Variants in PRKG1 observed in about 807,000 individuals in gnomAD.
PRKG1 encodes cGMP-dependent protein kinase 1.
A neutral mutation model predicts 88.1 loss-of-function variants in PRKG1; 35 were observed. The ratio of observed to expected loss-of-function variants is 0.40; its 90% CI spans 0.30 to 0.53. The LOEUF is 0.53. Ranked by LOEUF, PRKG1 falls within the 20% of genes least tolerant of loss-of-function variation. The pLI, the probability that PRKG1 is intolerant of heterozygous loss-of-function variation, is 0.59. For synonymous variants in PRKG1, 303 were observed against 292.5 expected, an observed-to-expected ratio of 1.04 and a Z score of -0.37; for missense variants, 540 against 839.8, an observed-to-expected ratio of 0.64 and a Z score of 4.41.
chr10:52,178,123 T>C (rs150526801), intron 9 of PRKG1, among the ~76,000 whole-genome samples: 19 of 152,168 alleles, frequency 1.2e-4, no homozygotes, highest in African/African-American at 4.1e-4. Flanking sequence ...TTTTTTGATA[T>C]AGGCATTTCT....
chr10:52,090,561 G>A (rs997572720), intron 7 of PRKG1, among the ~76,000 whole-genome samples: 2 of 152,140 alleles, frequency 1.3e-5, no homozygotes, highest in African/African-American at 4.8e-5. Flanking sequence ...CTGCAGGCAA[G>A]ATCCACTGAA....
intron 1 of PRKG1, among the ~76,000 whole-genome samples, chr10:51,099,878 C>G (rs1844636910): frequency 1.3e-5 from 2 of 152,048 alleles, no homozygotes; most frequent in Non-Finnish European, 2.9e-5. Context: ...AAACTTCGTG[C>G]CTTCAGTTTG....
intron 4 of PRKG1, among the ~76,000 whole-genome samples, chr10:51,894,642 G>A (rs537406576): frequency 7.9e-5 from 12 of 152,156 alleles, no homozygotes; most frequent in African/African-American, 2.4e-4. Flanking sequence ...ATGACTTTAC[G>A]GTTCGGAAAC....
intron 3 of PRKG1, among the ~76,000 whole-genome samples, chr10:51,491,500 G>A (rs1840706404): frequency 6.6e-6 from 1 of 152,048 alleles, no homozygotes; most frequent in African/African-American, 2.4e-5. Flanking sequence ...AAACCCATTT[G>A]ACAGATGAAG....
intron 3 of PRKG1, among the ~76,000 whole-genome samples, chr10:51,676,825 T>C (rs1262758487): frequency 6.6e-6 from 1 of 152,208 alleles, no homozygotes; most frequent in African/African-American, 2.4e-5. Context: ...TTTTTTTGCT[T>C]ATCTCCTGGC....
intron 5 of PRKG1, among the ~76,000 whole-genome samples, chr10:51,961,271 A>G (rs1344516618): frequency 1.3e-5 from 2 of 152,130 alleles, no homozygotes; most frequent in African/African-American, 4.8e-5. Flanking sequence ...TGAACCACAG[A>G]TATGAAAAGT....
chr10:52,037,765 G>A (rs534280655), intron 5 of PRKG1, among the ~76,000 whole-genome samples: 56 of 152,324 alleles, frequency 3.7e-4, no homozygotes, highest in African/African-American at 1.3e-3. Context: ...TTATAGGGTG[G>A]AGGAGCAGAG....
chr10:51,807,496 C>A (rs1009539331), intron 4 of PRKG1, among the ~76,000 whole-genome samples: 4 of 152,148 alleles, frequency 2.6e-5, no homozygotes, highest in East Asian at 1.9e-4. Context: ...GACACAGGAG[C>A]CTTTCTGAAT....
At chr10:51,546,485 T>C (rs1842447701) in intron 3 of PRKG1, among the ~76,000 whole-genome samples, 1 of 152,114 alleles carries the variant, frequency 6.6e-6, no homozygotes, top group Non-Finnish European at 1.5e-5. Context: ...GTAAACTTGC[T>C]TGAAATACTG....
chr10:51,452,936 T>C (rs1379844503), intron 2 of PRKG1, among the ~76,000 whole-genome samples: 2 of 152,052 alleles, frequency 1.3e-5, no homozygotes, highest in East Asian at 3.8e-4. Context: ...TTTTTTTTGT[T>C]GGTAATTCTT....
chr10:51,688,835 A>G (rs1327398779), intron 3 of PRKG1, among the ~76,000 whole-genome samples: 3 of 152,162 alleles, frequency 2.0e-5, no homozygotes, highest in Admixed American at 1.3e-4. Flanking sequence ...AAACTGGTTT[A>G]CCATCTGATA....
chr10:52,160,434 AT>A (rs1467847942), intron 8 of PRKG1, among the ~76,000 whole-genome samples: 1 of 151,964 alleles, frequency 6.6e-6, no homozygotes, highest in East Asian at 1.9e-4. Context: ...ATATTCTTGA[AT>A]ATGATTCTTG....
At chr10:51,558,552 T>G (rs766209956) in intron 3 of PRKG1, among the ~76,000 whole-genome samples, 1 of 152,050 alleles carries the variant, frequency 6.6e-6, no homozygotes, top group Non-Finnish European at 1.5e-5. Context: ...TGGGATGTCA[T>G]CAATGGTAAA....
intron 5 of PRKG1, among the ~76,000 whole-genome samples, chr10:52,036,903 AT>A (rs1298400860): frequency 3.3e-5 from 5 of 152,232 alleles, no homozygotes; most frequent in African/African-American, 9.6e-5. Flanking sequence ...AAAGAAGGTA[AT>A]GTGGAGTGGG....
At chr10:51,898,085 T>C (rs960620308) in intron 4 of PRKG1, among the ~76,000 whole-genome samples, 2 of 152,158 alleles carry the variant, frequency 1.3e-5, no homozygotes, top group Non-Finnish European at 2.9e-5. Flanking sequence ...TCCTGGAATC[T>C]ACCAGGCACT....
rs1432312663 is a variant in PRKG1, at chr10:52,297,537, C to A, written c.*3637C>A. ...GAATTACAGAAATGATGAAGTTGTTCTCTTATTTCTGTTAAATGTACCAGA... is the reference window on the plus strand; with the variant it reads ...GAATTACAGAAATGATGAAGTTGTTATCTTATTTCTGTTAAATGTACCAGA... On this transcript the variant is annotated 3_prime_UTR_variant, in exon 18 of 18. Coordinates refer to ENST00000373980, the MANE Select transcript of PRKG1 (RefSeq NM_006258.4). 1 of 152,050 alleles carries A rather than the reference C, an allele frequency of 6.6e-6. No individual in the cohort carries two copies. The highest frequency in any genetic ancestry group is 2.4e-5 in the African/African-American group (1 of 41,414). The allele number at this position is 152,050 out of a possible 1,614,324, so 9.4% of individuals were successfully genotyped here. A position where few individuals can be genotyped will look rare whatever the true frequency, so the allele number is the denominator to read the frequency against.
At chr10:51,452,628 C>T (rs1162187947) in intron 2 of PRKG1, among the ~76,000 whole-genome samples, 1 of 151,918 alleles carries the variant, frequency 6.6e-6, no homozygotes, top group Non-Finnish European at 1.5e-5. Flanking sequence ...TCACTGCATC[C>T]CTGGTATAAA....
intron 2 of PRKG1, among the ~76,000 whole-genome samples, chr10:51,293,007 T>C (rs1840623960): frequency 6.6e-6 from 1 of 152,122 alleles, no homozygotes; most frequent in African/African-American, 2.4e-5. Flanking sequence ...GCCCTCACAG[T>C]ATCTTGGTTG....
intron 2 of PRKG1, among the ~76,000 whole-genome samples, chr10:51,273,726 A>G (rs1456735430): frequency 1.3e-5 from 2 of 152,216 alleles, no homozygotes; most frequent in Non-Finnish European, 2.9e-5. Context: ...CCACATTTCT[A>G]CATGACAATA....
Sources: allele counts gnomAD v4.1 joint callset (sites outside exome capture counted in the v4.1 genomes callset), GRCh38; gene constraint gnomAD v4.1.1; transcripts MANE v1.5; gene names NCBI Gene and HGNC (gene_info 2026-07-23, HGNC 2026-07-21).